EPB41L4B: variants seen among roughly 807,000 people sequenced by gnomAD.
EPB41L4B encodes band 4.1-like protein 4B.
A neutral mutation model predicts 112.5 loss-of-function variants in EPB41L4B; 30 were observed. The ratio of observed to expected loss-of-function variants is 0.27; its 90% CI spans 0.20 to 0.36. EPB41L4B has a LOEUF of 0.36. Ranked by LOEUF, EPB41L4B falls within the 10% of genes least tolerant of loss-of-function variation. The pLI is 1.00. For missense variants in EPB41L4B, 1,024 were observed against 1,133.3 expected, an observed-to-expected ratio of 0.90 and a Z score of 1.38; for synonymous variants, 408 against 439.7, an observed-to-expected ratio of 0.93 and a Z score of 0.90.
chr9:109,307,435 G>A (rs1216831373), intron 1 of EPB41L4B, among the ~76,000 whole-genome samples: 2 of 152,186 alleles, frequency 1.3e-5, no homozygotes, highest in Non-Finnish European at 2.9e-5. Context: ...TCATCCTGGA[G>A]TGTCCCATTG....
At chr9:109,311,709 C>G (rs2119268025) in intron 1 of EPB41L4B, among the ~76,000 whole-genome samples, 1 of 152,344 alleles carries the variant, frequency 6.6e-6, no homozygotes, top group Non-Finnish European at 1.5e-5. Context: ...TTCTGACCTT[C>G]CCAGGGAGTT....
At chr9:109,248,975 C>T (rs1469008044) in intron 13 of EPB41L4B, among the ~76,000 whole-genome samples, 1 of 150,884 alleles carries the variant, frequency 6.6e-6, no homozygotes, top group South Asian at 2.1e-4. Flanking sequence ...AGGAGAACGG[C>T]GTGAACCCGG....
In EPB41L4B at chr9:109,243,743, C is replaced by T. The variant is rs746035406; in HGVS notation, c.1345-61G>A. Reference sequence around the variant, plus strand: ...CCTTTTAATTTCAATGGTCCTCATTCGCTTTGTCTGTTCCTGGCATCCACC... The same window carrying T: ...CCTTTTAATTTCAATGGTCCTCATTTGCTTTGTCTGTTCCTGGCATCCACC... On this transcript the variant is annotated intron_variant, in intron 14 of 25. Transcript: ENST00000374566. 34 of 1,543,542 alleles carry T rather than the reference C, an allele frequency of 2.2e-5. No individual in the cohort carries two copies. The African/African-American group carries it at 3.5e-4, about 16-fold the overall frequency.
At chr9:109,221,680 G>GA (rs569651103) in intron 15 of EPB41L4B, among the ~76,000 whole-genome samples, 25 of 152,080 alleles carry the variant, frequency 1.6e-4, no homozygotes, top group African/African-American at 4.6e-4. Flanking sequence ...GTCATTAATA[G>GA]AAAAAAAGAG....
chr9:109,240,508 A>AT (rs2118953044), intron 15 of EPB41L4B: 1 of 985,408 alleles, frequency 1.0e-6, no homozygotes, highest in Non-Finnish European at 1.2e-6. Flanking sequence ...GAATCAACTG[A>AT]TTTCACAGAA....
At chr9:109,243,830 C>T (rs1398245615) in intron 14 of EPB41L4B, 148 bp from the exon 15 acceptor site, 4 of 737,620 alleles carry the variant, frequency 5.4e-6, no homozygotes, top group Non-Finnish European at 8.9e-6. Context: ...TGGATGTTTC[C>T]CAGGACGATC....
chr9:109,302,498 C>A (rs945464779), intron 1 of EPB41L4B, among the ~76,000 whole-genome samples: 7 of 152,164 alleles, frequency 4.6e-5, no homozygotes, highest in African/African-American at 1.7e-4. Context: ...AGGACTTCAA[C>A]AGATGAATTT....
chr9:109,226,607 C>CATATATATATATATAT (rs3081622), intron 15 of EPB41L4B, among the ~76,000 whole-genome samples: 37 of 90,828 alleles, frequency 4.1e-4, no homozygotes, highest in African/African-American at 1.5e-3. Context: ...TTGGATTTTT[C>CATATATATATATATAT]ATATATATAT....
In EPB41L4B at chr9:109,241,618, CA is replaced by C. The variant is rs147454467; in HGVS notation, c.1409+1999del. The stretch of plus-strand genomic sequence containing the variant: ...AGGCCAAGACACTTTTCATGGAATG[CA>C]ATGAAACTATGAAGGTGAATGGAAG... On this transcript the variant is annotated intron_variant, in intron 15 of 25. Transcript: ENST00000374566. 1,556 of 1,610,032 alleles carry C rather than the reference CA, an allele frequency of 9.7e-4. 12 individuals carry two copies. In the African/African-American group the frequency reaches 0.019, roughly 20 times the overall value.
chr9:109,201,132 A>C (rs2118745239), intron 19 of EPB41L4B, among the ~76,000 whole-genome samples: 2 of 152,322 alleles, frequency 1.3e-5, no homozygotes, highest in South Asian at 4.1e-4. Flanking sequence ...CAATATGGTG[A>C]TAAGTATGTG....
chr9:109,301,527 A>AC (rs1489793927), intron 1 of EPB41L4B, among the ~76,000 whole-genome samples: 1 of 151,686 alleles, frequency 6.6e-6, no homozygotes, highest in African/African-American at 2.4e-5. Context: ...GAGCTTCCCT[A>AC]CCCCCGAGGC....
chr9:109,255,402 C>CTTG, intron 11 of EPB41L4B, 109 bp downstream of exon 11: 1 of 1,337,496 alleles, frequency 7.5e-7, no homozygotes, highest in Non-Finnish European at 1.0e-6. Flanking sequence ...ATGGGACACA[C>CTTG]AACCTAAGTT....
chr9:109,203,262 C>G (rs1229648797), intron 19 of EPB41L4B, among the ~76,000 whole-genome samples: 1 of 152,152 alleles, frequency 6.6e-6, no homozygotes, highest in Non-Finnish European at 1.5e-5. Flanking sequence ...GAAGCTGGCC[C>G]AAGTCCAAGC....
In EPB41L4B at chr9:109,299,818, G is replaced by T. The variant is rs150396259; in HGVS notation, c.307-19897C>A. 4.4e-3 allele frequency among the ~76,000 whole-genome samples: 666 copies of T among 152,222 alleles called. 8 individuals carry two copies. Among genetic ancestry groups the T allele is most frequent in the African/African-American group, 0.015 (627 of 41,518 alleles). On this transcript the variant is annotated intron_variant, in intron 1 of 25. Coordinates refer to ENST00000374566, the MANE Select transcript of EPB41L4B (RefSeq NM_019114.5). ...CCCACGGGTACCACAGATTCCTCCTGCCTGTGCTGAAGTTCATACACATGG... is the reference window on the plus strand; with the variant it reads ...CCCACGGGTACCACAGATTCCTCCTTCCTGTGCTGAAGTTCATACACATGG...
rs1485712339 is a variant in EPB41L4B at position 109,227,993 on chromosome 9, TAAG to T, written c.1410-10851_1410-10849del. Among the ~76,000 whole-genome samples the T allele has an allele frequency of 1.3e-4, 20 of 152,350 alleles. No individual in the cohort carries two copies. In the South Asian group the frequency reaches 2.5e-3, roughly 19 times the overall value. ...TACCAGTTGGAATTCACTTGGATTT[TAAG>T]AAGAGAATCACGTGAATTTTGTTTC... On this transcript the variant is annotated intron_variant, in intron 15 of 25. Coordinates refer to ENST00000374566, the MANE Select transcript of EPB41L4B (RefSeq NM_019114.5).
At chr9:109,243,491 C>T in intron 15 of EPB41L4B, 127 bp downstream of exon 15, 1 of 780,092 alleles carries the variant, frequency 1.3e-6, no homozygotes, top group Non-Finnish European at 2.1e-6. Flanking sequence ...TTCATCTCGG[C>T]CATGACAATG....
At position 109,237,202 on chromosome 9, in the gene EPB41L4B, T is replaced by G. The variant is rs557634069; in HGVS notation, c.1409+6416A>C. ...ACCACACTGTCCTTATTCCTCCATC[T>G]TTGTGGTTAAGGAGAACCATCTTCA... On this transcript the variant is annotated intron_variant, in intron 15 of 25. Coordinates refer to ENST00000374566, the MANE Select transcript of EPB41L4B (RefSeq NM_019114.5). Among the ~76,000 whole-genome samples the G allele has an allele frequency of 2.0e-5, 3 of 152,310 alleles. No individual in the cohort carries two copies. In the South Asian group the frequency reaches 6.2e-4, roughly 32 times the overall value.
intron 20 of EPB41L4B, among the ~76,000 whole-genome samples, chr9:109,198,623 C>T (rs1832722002): frequency 6.6e-6 from 1 of 152,130 alleles, no homozygotes; most frequent in African/African-American, 2.4e-5. Context: ...ATGGGAACTA[C>T]AAGCCGGGCA....
chr9:109,235,363 A>G (rs1490569810), intron 15 of EPB41L4B, among the ~76,000 whole-genome samples: 2 of 129,098 alleles, frequency 1.5e-5, no homozygotes, highest in Non-Finnish European at 3.3e-5. Flanking sequence ...CCATCAATCT[A>G]TTAGAAATAC....
Sources: gnomAD v4.1 joint callset for allele counts (sites outside exome capture counted in the v4.1 genomes callset) on GRCh38, gnomAD v4.1.1 for gene constraint, MANE v1.5 for transcripts, NCBI Gene and HGNC (gene_info 2026-07-23, HGNC 2026-07-21) for gene names.